Variants in GSTM2 observed in about 807,000 individuals in gnomAD.
GSTM2 encodes the protein GST class-mu 2.
A neutral mutation model predicts 33.3 loss-of-function variants in GSTM2; 33 were observed. The observed-to-expected ratio is 0.99, with a 90% CI of 0.75 to 1.33. The LOEUF (loss-of-function observed/expected upper bound fraction) is 1.33. Ranked by LOEUF, GSTM2 falls within the 40% of genes most tolerant of loss-of-function variation. GSTM2 has a pLI of 0.00. For missense variants in GSTM2, 213 were observed against 265.8 expected (o/e 0.80, Z 1.38); for synonymous variants, 93 against 95.6 (o/e 0.97, Z 0.16).
downstream of GSTM2, among the ~76,000 whole-genome samples, chr1:109,677,773 C>G (rs1472255837): frequency 6.6e-6 from 1 of 152,186 alleles, no homozygotes; most frequent in Non-Finnish European, 1.5e-5. Context: ...TAAGGCCTGT[C>G]CACTGTATGT....
At position 109,669,528 on chromosome 1, in the gene GSTM2, A is replaced by G. The variant is rs146447815; in HGVS notation, c.317A>G (p.Asp106Gly). Reference protein sequence around the residue: ...REDILENQFMDSRMQLAKLCY... With the variant: ...REDILENQFMGSRMQLAKLCY... ...GACATTTTGGAGAACCAGTTTATGG[A>G]CAGCCGTATGCAGCTGGCCAAACTC... The change falls in exon 5 of 8, where the codon GAC becomes GGC. Residue 106 changes from aspartate (D) to glycine (G), a missense_variant. Physicochemically the swap from Asp to Gly is moderately conservative, Grantham distance 94. Transcript: ENST00000241337. 3 of 1,613,722 alleles carry G rather than the reference A, an allele frequency of 1.9e-6. No individual in the cohort carries two copies. The highest frequency in any genetic ancestry group is 2.2e-5 in the South Asian group (2 of 91,064).
intron 1 of GSTM2, 56 bp from the exon 2 acceptor site, chr1:109,668,369 G>T: frequency 6.3e-7 from 1 of 1,584,880 alleles, no homozygotes; most frequent in Non-Finnish European, 8.7e-7. Context: ...GTGCAGAGTC[G>T]TCACAAAGTC....
chr1:109,673,386 G>A (rs1033531824), intron 7 of GSTM2: 2 of 1,087,416 alleles, frequency 1.8e-6, no homozygotes, highest in Admixed American at 4.4e-5. Context: ...ACTTGTTTGA[G>A]AGCAGCAAAT....
chr1:109,679,803 G>A (rs181180031), downstream of GSTM2, among the ~76,000 whole-genome samples: 25 of 152,290 alleles, frequency 1.6e-4, no homozygotes, highest in Non-Finnish European at 2.2e-4. Flanking sequence ...CAGATGGCTG[G>A]TAAAATTATT....
downstream of GSTM2, among the ~76,000 whole-genome samples, chr1:109,676,477 G>A (rs577950088): frequency 3.3e-5 from 5 of 151,978 alleles, no homozygotes; most frequent in South Asian, 2.1e-4. Context: ...TCAGCCTCCC[G>A]AGTAGCTGGG....
rs573778494 is a variant in GSTM2 at position 109,673,055 on chromosome 1, A to G, written c.567+1472A>G. On this transcript the variant is annotated intron_variant, in intron 7 of 7. Transcript: ENST00000241337. Reference sequence around the variant, plus strand: ...CAGCTAATTTTTGTATTTTTAGTAGAGATGGGGTTTTGCTATGTTGGCCAG... The same window carrying G: ...CAGCTAATTTTTGTATTTTTAGTAGGGATGGGGTTTTGCTATGTTGGCCAG... 254 of 825,352 alleles carry G rather than the reference A, an allele frequency of 3.1e-4. 2 individuals are homozygous for G. The highest frequency in any genetic ancestry group is 1.9e-5 in the Non-Finnish European group (10 of 517,970). 51.1% of individuals were successfully genotyped at this position (825,352 alleles called of 1,614,324 possible).
downstream of GSTM2, among the ~76,000 whole-genome samples, chr1:109,680,279 CAAA>C (rs5776993): frequency 3.5e-4 from 46 of 130,986 alleles, no homozygotes; most frequent in East Asian, 4.5e-4. Flanking sequence ...GTACACATAG[CAAA>C]AAAAAAAAAA....
rs745482462 is a variant in GSTM2 at position 109,668,153 on chromosome 1, T to G, written c.36+2T>G. 1.2e-6 allele frequency: 2 copies of G among 1,610,616 alleles called. No homozygotes were observed. The highest frequency in any genetic ancestry group is 1.4e-5 in the African/African-American group (1 of 74,012). ...CTGGGGTACTGGAACATCCGCGGGGTGAGCCAGGGTCCGCTGGGCGGTGGG... is the reference window on the plus strand; with the variant it reads ...CTGGGGTACTGGAACATCCGCGGGGGGAGCCAGGGTCCGCTGGGCGGTGGG... On this transcript the variant is annotated splice_donor_variant, in intron 1 of 7. Transcript: ENST00000241337. LOFTEE classifies it high-confidence loss of function.
chr1:109,681,780 A>G, intron 7 of GSTM2: 2 of 1,578,734 alleles, frequency 1.3e-6, no homozygotes, highest in Non-Finnish European at 1.7e-6. Context: ...CATTATAAGA[A>G]AAACACTATT....
chr1:109,670,091 A>AG (rs1647475689), intron 5 of GSTM2: 1 of 230 alleles, frequency 4.3e-3, no homozygotes, highest in Non-Finnish European at 9.4e-3. Context: ...GGAAGGGCGG[A>AG]GGTGGGGGGG....
chr1:109,678,671 A>G (rs1185751640), downstream of GSTM2, among the ~76,000 whole-genome samples: 2 of 151,538 alleles, frequency 1.3e-5, no homozygotes, highest in African/African-American at 4.9e-5. Context: ...GAGGCAGGAC[A>G]ATTGCTTGAA....
chr1:109,680,163 T>C (rs111786784), downstream of GSTM2, among the ~76,000 whole-genome samples: 13 of 152,054 alleles, frequency 8.5e-5, 1 homozygote, highest in African/African-American at 3.1e-4. Context: ...TCCAAAATTG[T>C]GTGAGCCAAT....
downstream of GSTM2, among the ~76,000 whole-genome samples, chr1:109,675,980 G>A (rs182305189): frequency 3.4e-3 from 512 of 152,356 alleles, 5 homozygotes; most frequent in African/African-American, 0.011. Context: ...TCATAACCAT[G>A]GCAGAAGGCG....
In GSTM2 at chr1:109,668,159, A is replaced by G. The variant is rs1172208591; in HGVS notation, c.36+8A>G. 6.3e-7 allele frequency: 1 copy of G among 1,589,336 alleles called. No homozygotes were observed. The highest frequency in any genetic ancestry group is 8.6e-7 in the Non-Finnish European group (1 of 1,161,764). On this transcript the variant is annotated splice_region_variant and intron_variant, in intron 1 of 7. Transcript: ENST00000241337. The stretch of plus-strand genomic sequence containing the variant: ...TACTGGAACATCCGCGGGGTGAGCC[A>G]GGGTCCGCTGGGCGGTGGGACGGGG...
At chr1:109,678,939 T>C (rs533942301), downstream of GSTM2, among the ~76,000 whole-genome samples, 1 of 152,146 alleles carries the variant, frequency 6.6e-6, no homozygotes, top group Non-Finnish European at 1.5e-5. Context: ...AGGGTGATCA[T>C]GTTTTGACTA....
intron 4 of GSTM2, 48 bp from the exon 5 acceptor site, chr1:109,669,423 G>C (rs574433389): frequency 6.2e-7 from 1 of 1,613,272 alleles, no homozygotes; most frequent in Middle Eastern, 1.6e-4. Context: ...CTCCTCCTCG[G>C]CTTGGCTGGG....
chr1:109,675,746 C>A (rs1647688788), downstream of GSTM2, among the ~76,000 whole-genome samples: 1 of 152,030 alleles, frequency 6.6e-6, no homozygotes, highest in Non-Finnish European at 1.5e-5. Flanking sequence ...GCACAGCTGT[C>A]ATCAGGACGT....
chr1:109,673,461 G>C (rs557028937), intron 7 of GSTM2: 28 of 581,536 alleles, frequency 4.8e-5, no homozygotes, highest in Middle Eastern at 9.7e-4. Context: ...CCTTGAATCT[G>C]TTTCCCTTTT....
At chr1:109,672,670 T>G (rs1647589494) in intron 7 of GSTM2, among the ~76,000 whole-genome samples, 1 of 152,198 alleles carries the variant, frequency 6.6e-6, no homozygotes, top group African/African-American at 2.4e-5. Flanking sequence ...TGACACACAG[T>G]AGCATTGATG....
Sources: gnomAD v4.1 joint callset for allele counts (sites outside exome capture counted in the v4.1 genomes callset) on GRCh38, gnomAD v4.1.1 for gene constraint, MANE v1.5 for transcripts, NCBI Gene and HGNC (gene_info 2026-07-23, HGNC 2026-07-21) for gene names.